Variants in IQCJ observed in about 807,000 individuals in gnomAD.
IQCJ encodes IQ motif containing J.
IQCJ carries 9 observed loss-of-function variants against 11.0 expected under a neutral mutation model. The observed-to-expected ratio is 0.82, with a 90% confidence interval of 0.49 to 1.43. The LOEUF (loss-of-function observed/expected upper bound fraction) is 1.43. IQCJ is among the 40% of genes most tolerant of loss of function. The pLI is 0.00. For synonymous variants in IQCJ, 55 were observed against 51.3 expected (o/e 1.07, Z -0.31); for missense variants, 146 against 133.2 (o/e 1.10, Z -0.47).
At chr3:159,149,237 C>A (rs956233624) in intron 1 of IQCJ, among the ~76,000 whole-genome samples, 1 of 152,258 alleles carries the variant, frequency 6.6e-6, no homozygotes, top group East Asian at 1.9e-4. Context: ...GTAGAAATAA[C>A]CCCAGAGAAA....
intron 1 of IQCJ, among the ~76,000 whole-genome samples, chr3:159,131,964 ACAC>A (rs1471329194): frequency 1.3e-5 from 2 of 152,154 alleles, no homozygotes; most frequent in African/African-American, 4.8e-5. Flanking sequence ...ACACACACAC[ACAC>A]AAATAGAGCA....
At chr3:159,161,892 C>A (rs992369898) in intron 1 of IQCJ, among the ~76,000 whole-genome samples, 1 of 152,274 alleles carries the variant, frequency 6.6e-6, no homozygotes, top group East Asian at 1.9e-4. Flanking sequence ...TGATCTATAT[C>A]TCTGTTTTGG....
chr3:159,092,062 G>A (rs1717351220), intron 1 of IQCJ, among the ~76,000 whole-genome samples: 1 of 151,712 alleles, frequency 6.6e-6, no homozygotes, highest in Non-Finnish European at 1.5e-5. Flanking sequence ...GCCACAAGGG[G>A]GAAATGTGCC....
At chr3:159,243,114 AG>A (rs1727036534) in intron 1 of IQCJ, among the ~76,000 whole-genome samples, 1 of 152,352 alleles carries the variant, frequency 6.6e-6, no homozygotes, top group African/African-American at 2.4e-5. Context: ...GGGAATGTAC[AG>A]CAGCTAGACT....
chr3:159,174,145 G>A (rs1722646296), intron 1 of IQCJ, among the ~76,000 whole-genome samples: 1 of 151,892 alleles, frequency 6.6e-6, no homozygotes, highest in Non-Finnish European at 1.5e-5. Context: ...TATAATTCTT[G>A]TTTTTTAATA....
intron 1 of IQCJ, among the ~76,000 whole-genome samples, chr3:159,198,938 C>T (rs1303279288): frequency 6.6e-6 from 1 of 152,172 alleles, no homozygotes; most frequent in Non-Finnish European, 1.5e-5. Context: ...GGGTATCTGC[C>T]TCCATTTACC....
intron 1 of IQCJ, among the ~76,000 whole-genome samples, chr3:159,114,595 A>G (rs539886858): frequency 4.3e-4 from 66 of 152,092 alleles, no homozygotes; most frequent in Non-Finnish European, 8.8e-4. Flanking sequence ...TACAGATGTG[A>G]GCCACTGCAC....
chr3:159,088,475 G>T (rs1576996759), intron 1 of IQCJ, among the ~76,000 whole-genome samples: 1 of 152,144 alleles, frequency 6.6e-6, no homozygotes, highest in Non-Finnish European at 1.5e-5. Context: ...GGGTATCCTT[G>T]TTGATTTTCT....
intron 1 of IQCJ, among the ~76,000 whole-genome samples, chr3:159,176,049 C>G (rs1419243886): frequency 6.6e-6 from 1 of 152,160 alleles, no homozygotes; most frequent in Non-Finnish European, 1.5e-5. Flanking sequence ...TGTTGAACAT[C>G]TTTTCATGTG....
At chr3:159,167,243 T>C (rs537138240) in intron 1 of IQCJ, among the ~76,000 whole-genome samples, 1 of 152,362 alleles carries the variant, frequency 6.6e-6, no homozygotes, top group African/African-American at 2.4e-5. Context: ...ACATGAGTTT[T>C]CATAGTCCTT....
rs956484982 is a variant in IQCJ, at chr3:159,123,458, G to C, written c.9+54017G>C. The stretch of plus-strand genomic sequence containing the variant: ...CCTGCCCAGTCAGCTTCTAAGATCT[G>C]TGTGGAGGTGGCCAAGGGACAGCTG... On this transcript the variant is annotated intron_variant, in intron 1 of 3. Transcript: ENST00000397832. Among the ~76,000 whole-genome samples the C allele has an allele frequency of 3.3e-5, 5 of 152,148 alleles. No individual in the cohort carries two copies. In the East Asian group the frequency reaches 9.6e-4, roughly 29 times the overall value.
intron 1 of IQCJ, among the ~76,000 whole-genome samples, chr3:159,160,235 G>A (rs192647029): frequency 2.6e-4 from 40 of 152,218 alleles, no homozygotes; most frequent in Non-Finnish European, 4.7e-4. Context: ...ACCTTCATCC[G>A]GGGGAGGAGG....
Position 159,165,875 on chromosome 3 carries a change from C to T in IQCJ, c.10-79968C>T, listed in dbSNP as rs977505702. On this transcript the variant is annotated intron_variant, in intron 1 of 3. Transcript: ENST00000397832. ...CCATCTCTTGACCTCGTGATCTCCC[C>T]ACCTAGGCCTTCCAAAGTGCTGGGA... Among the ~76,000 whole-genome samples, 8 of 151,126 alleles carry T rather than the reference C, an allele frequency of 5.3e-5. No individual in the cohort carries two copies. In the South Asian group the frequency reaches 8.4e-4, roughly 16 times the overall value.
chr3:159,196,279 TA>T (rs1022468281), intron 1 of IQCJ, among the ~76,000 whole-genome samples: 2 of 152,302 alleles, frequency 1.3e-5, no homozygotes, highest in South Asian at 2.1e-4. Context: ...AATAATGTTA[TA>T]AAAAAAGGAC....
At chr3:159,126,508 A>G (rs77702912) in intron 1 of IQCJ, among the ~76,000 whole-genome samples, 2 of 152,364 alleles carry the variant, frequency 1.3e-5, no homozygotes, top group East Asian at 1.9e-4. Flanking sequence ...CAAGACCACA[A>G]ACTTCTTGAA....
chr3:159,142,071 C>T (rs146641002), intron 1 of IQCJ, among the ~76,000 whole-genome samples: 2 of 152,338 alleles, frequency 1.3e-5, no homozygotes, highest in African/African-American at 4.8e-5. Flanking sequence ...AGAGCCCTCA[C>T]CAGTCCTGCC....
chr3:159,104,091 G>A (rs1010929454), intron 1 of IQCJ, among the ~76,000 whole-genome samples: 2 of 152,178 alleles, frequency 1.3e-5, no homozygotes, highest in Admixed American at 1.3e-4. Context: ...GATATGGGCT[G>A]TGGCCTCATG....
At chr3:159,163,429 T>C (rs557412082) in intron 1 of IQCJ, among the ~76,000 whole-genome samples, 1 of 152,308 alleles carries the variant, frequency 6.6e-6, no homozygotes, top group Admixed American at 6.5e-5. Flanking sequence ...TATCTCAAAA[T>C]AATAAGAGCT....
At chr3:159,079,005 T>C (rs1437771632) in intron 1 of IQCJ, among the ~76,000 whole-genome samples, 1 of 152,130 alleles carries the variant, frequency 6.6e-6, no homozygotes, top group Admixed American at 6.6e-5. Flanking sequence ...GTCCAGGTCA[T>C]TGTGGCAGGC....
Sources: gnomAD v4.1 joint callset for allele counts (sites outside exome capture counted in the v4.1 genomes callset) on GRCh38, gnomAD v4.1.1 for gene constraint, MANE v1.5 for transcripts, NCBI Gene and HGNC (gene_info 2026-07-23, HGNC 2026-07-21) for gene names.